FRMD3: variants seen among roughly 807,000 people sequenced by gnomAD.
FRMD3 encodes FERM domain-containing protein 3.
A neutral mutation model predicts 70.2 loss-of-function variants in FRMD3; 33 were observed. That is an observed-to-expected ratio of 0.47 (90% CI 0.36 to 0.63). FRMD3 has a LOEUF of 0.63. Among genes scored for constraint, FRMD3 ranks in the 20% least tolerant of loss-of-function variants. FRMD3 has a pLI of 0.00. For synonymous variants in FRMD3, 279 were observed against 255.9 expected, an observed-to-expected ratio of 1.09 and a Z score of -0.86; for missense variants, 632 against 711.4, an observed-to-expected ratio of 0.89 and a Z score of 1.27.
intron 2 of FRMD3, among the ~76,000 whole-genome samples, chr9:83,382,144 A>C (rs1010524368): frequency 5.9e-5 from 9 of 152,198 alleles, no homozygotes; most frequent in African/African-American, 2.2e-4. Context: ...AATTTTTTTC[A>C]AGCTTGTTAC....
At chr9:83,539,518 G>A (rs1055602945), upstream of FRMD3, among the ~76,000 whole-genome samples, 7 of 152,226 alleles carry the variant, frequency 4.6e-5, no homozygotes, top group South Asian at 4.1e-4. Flanking sequence ...CCAGCTGTCA[G>A]CTTTTTCAAG....
chr9:83,583,151 T>G, the FRMD3 span, among the ~76,000 whole-genome samples: 2 of 152,240 alleles, frequency 1.3e-5, no homozygotes, highest in South Asian at 2.1e-4. Context: ...GAGAATTCGC[T>G]TTAGAGAAAC....
chr9:83,271,296 T>C (rs1038243773), intron 13 of FRMD3, among the ~76,000 whole-genome samples: 5 of 152,230 alleles, frequency 3.3e-5, no homozygotes, highest in Non-Finnish European at 7.3e-5. Flanking sequence ...TAAATTATTA[T>C]TACATTCATT....
chr9:83,532,560 T>A (rs1411464797), intron 1 of FRMD3, among the ~76,000 whole-genome samples: 2 of 152,148 alleles, frequency 1.3e-5, no homozygotes, highest in African/African-American at 2.4e-5. Flanking sequence ...GCAACCTAAT[T>A]TGACGTATTC....
chr9:83,303,378 T>C (rs1159783404), intron 10 of FRMD3, among the ~76,000 whole-genome samples: 3 of 152,248 alleles, frequency 2.0e-5, no homozygotes, highest in East Asian at 1.9e-4. Context: ...AACCAGGCTA[T>C]AAATCCTAGT....
chr9:83,488,478 C>A (rs1363142027), intron 1 of FRMD3, among the ~76,000 whole-genome samples: 6 of 152,190 alleles, frequency 3.9e-5, no homozygotes, highest in Non-Finnish European at 8.8e-5. Context: ...CTACTTAAAA[C>A]TATGGATTAG....
At chr9:83,528,381 GT>G (rs924849788) in intron 1 of FRMD3, among the ~76,000 whole-genome samples, 1 of 152,046 alleles carries the variant, frequency 6.6e-6, no homozygotes, top group Non-Finnish European at 1.5e-5. Flanking sequence ...AACATGCAGT[GT>G]TTTTTATTTA....
At chr9:83,311,210 T>C (rs1835337975) in intron 8 of FRMD3, among the ~76,000 whole-genome samples, 1 of 149,974 alleles carries the variant, frequency 6.7e-6, no homozygotes, top group South Asian at 2.1e-4. Flanking sequence ...CATGGGGAGA[T>C]GTGCAGGCCA....
chr9:83,421,349 T>C (rs556770428), intron 1 of FRMD3, among the ~76,000 whole-genome samples: 2 of 152,358 alleles, frequency 1.3e-5, no homozygotes, highest in African/African-American at 4.8e-5. Context: ...CTGCACTCTA[T>C]TCACATTTTT....
At chr9:83,514,198 G>A (rs967976591) in intron 1 of FRMD3, among the ~76,000 whole-genome samples, 1 of 152,230 alleles carries the variant, frequency 6.6e-6, no homozygotes, top group African/African-American at 2.4e-5. Flanking sequence ...AGCCCAACAA[G>A]CTAAGATCTA....
chr9:83,459,491 G>A (rs7021046), intron 1 of FRMD3, among the ~76,000 whole-genome samples: 2,941 of 152,292 alleles, frequency 0.019, 93 homozygotes, highest in African/African-American at 0.065. Flanking sequence ...TCGCAGCCTC[G>A]GTTCTCCCCA....
intron 1 of FRMD3, among the ~76,000 whole-genome samples, chr9:83,427,654 T>C (rs1295863227): frequency 1.3e-5 from 2 of 151,990 alleles, no homozygotes; most frequent in Non-Finnish European, 2.9e-5. Flanking sequence ...TTGACAAATA[T>C]AAGTATTTAT....
chr9:83,437,702 T>C (rs1479043187), intron 1 of FRMD3, among the ~76,000 whole-genome samples: 1 of 152,160 alleles, frequency 6.6e-6, no homozygotes, highest in Non-Finnish European at 1.5e-5. Flanking sequence ...AGATTGAGCC[T>C]ATAAACCAGG....
intron 1 of FRMD3, among the ~76,000 whole-genome samples, chr9:83,496,870 T>C (rs9695864): frequency 0.032 from 4,840 of 152,220 alleles, 267 homozygotes; most frequent in African/African-American, 0.11. Flanking sequence ...TTCTAGCACT[T>C]TGGGAGGCCG....
chr9:83,304,956 T>G (rs1197071198), intron 10 of FRMD3, among the ~76,000 whole-genome samples: 2 of 152,138 alleles, frequency 1.3e-5, no homozygotes, highest in Admixed American at 1.3e-4. Context: ...AGCCAGGGCT[T>G]TCAAAACAGA....
chr9:83,261,470 C>T (rs1037419539), intron 13 of FRMD3, among the ~76,000 whole-genome samples: 1 of 152,140 alleles, frequency 6.6e-6, no homozygotes, highest in African/African-American at 2.4e-5. Flanking sequence ...CTTCTGTCCT[C>T]CTACAGATCA....
chr9:83,490,782 TCTCTCTCTCTCTCTCTCACA>T (rs1828800594), intron 1 of FRMD3, among the ~76,000 whole-genome samples: 1 of 127,068 alleles, frequency 7.9e-6, no homozygotes, highest in African/African-American at 3.4e-5. Context: ...TCTCTCTCTC[TCTCTCTCTCTCTCTCTCACA>T]CACACACACA....
rs150704071 is a variant in FRMD3, at chr9:83,290,285, T to C, written c.1195+318A>G. 1.4e-3 allele frequency among the ~76,000 whole-genome samples: 206 copies of C among 152,360 alleles called. 1 individual carries two copies. The highest frequency in any genetic ancestry group is 4.6e-3 in the African/African-American group (191 of 41,588). ...GAAATGGATTTTTAATTACAATGAA[T>C]TTAAACTTAGTTTAATACAGCCACA... On this transcript the variant is annotated intron_variant, in intron 13 of 13. Transcript: ENST00000304195.
intron 5 of FRMD3, among the ~76,000 whole-genome samples, chr9:83,340,493 C>G (rs1171131308): frequency 6.6e-6 from 1 of 152,172 alleles, no homozygotes; most frequent in Non-Finnish European, 1.5e-5. Flanking sequence ...GAGGAAGTGA[C>G]TTCGGGACTG....
Sources: allele counts gnomAD v4.1 joint callset (sites outside exome capture counted in the v4.1 genomes callset), GRCh38; gene constraint gnomAD v4.1.1; transcripts MANE v1.5; gene names NCBI Gene and HGNC (gene_info 2026-07-23, HGNC 2026-07-21).